FAM171A1: variants seen among roughly 807,000 people sequenced by gnomAD.
FAM171A1 encodes the protein protein FAM171A1.
A neutral mutation model predicts 74.9 loss-of-function variants in FAM171A1; 23 were observed. That is an observed-to-expected ratio of 0.31 (90% CI 0.22 to 0.44). The LOEUF is 0.44. Ranked by LOEUF, FAM171A1 falls within the 20% of genes least tolerant of loss-of-function variation. The probability of loss-of-function intolerance (pLI) is 1.00; values close to 1 mark genes in which losing one functional copy is unlikely to be tolerated. For missense variants in FAM171A1, 1,162 were observed against 1,159.2 expected, an observed-to-expected ratio of 1.00 and a Z score of -0.03; for synonymous variants, 527 against 505.7, an observed-to-expected ratio of 1.04 and a Z score of -0.57.
intron 3 of FAM171A1, among the ~76,000 whole-genome samples, chr10:15,268,427 A>C (rs543549675): frequency 6.6e-6 from 1 of 152,258 alleles, no homozygotes; most frequent in African/African-American, 2.4e-5. Flanking sequence ...CGAGGAGAGA[A>C]GAATCAAGGA....
At chr10:15,299,320 G>A (rs1835199847) in intron 1 of FAM171A1, among the ~76,000 whole-genome samples, 1 of 152,180 alleles carries the variant, frequency 6.6e-6, no homozygotes, top group Non-Finnish European at 1.5e-5. Flanking sequence ...TATTAAGCAT[G>A]TCTATGAAAT....
At chr10:15,363,707 G>A (rs1836024601) in intron 1 of FAM171A1, among the ~76,000 whole-genome samples, 2 of 152,092 alleles carry the variant, frequency 1.3e-5, no homozygotes, top group Admixed American at 1.3e-4. Flanking sequence ...AGCCATCAGT[G>A]ACCCCTTCAG....
chr10:15,331,859 G>GTATACATATATA (rs58855042), intron 1 of FAM171A1, among the ~76,000 whole-genome samples: 38 of 44,918 alleles, frequency 8.5e-4, no homozygotes, highest in East Asian at 6.0e-3. Flanking sequence ...ATATATGTGT[G>GTATACATATATA]TATATATATG....
chr10:15,369,481 G>C (rs920301006), intron 1 of FAM171A1, among the ~76,000 whole-genome samples: 1 of 152,066 alleles, frequency 6.6e-6, no homozygotes, highest in Admixed American at 6.5e-5. Flanking sequence ...AGACATATAG[G>C]TCTTTTTGTA....
chr10:15,346,904 C>T (rs3891994), intron 1 of FAM171A1, among the ~76,000 whole-genome samples: 51,724 of 152,038 alleles, frequency 0.34, 10,235 homozygotes, highest in East Asian at 0.77. Flanking sequence ...TTTAGCAGTG[C>T]CCGAGCCACT....
intron 3 of FAM171A1, among the ~76,000 whole-genome samples, chr10:15,264,554 G>A (rs1588520253): frequency 6.6e-6 from 1 of 152,048 alleles, no homozygotes; most frequent in Admixed American, 6.6e-5. Flanking sequence ...GGAGGGCAAG[G>A]TGGGCAGATA....
At chr10:15,330,551 G>A (rs765218832) in intron 1 of FAM171A1, among the ~76,000 whole-genome samples, 22 of 152,028 alleles carry the variant, frequency 1.4e-4, no homozygotes, top group East Asian at 9.6e-4. Context: ...CTAATAATAA[G>A]TGTTGTGCAA....
intron 3 of FAM171A1, among the ~76,000 whole-genome samples, chr10:15,263,449 T>C (rs1173642230): frequency 1.3e-5 from 2 of 152,142 alleles, no homozygotes; most frequent in Non-Finnish European, 2.9e-5. Flanking sequence ...AATTTACGAG[T>C]GTTCTCTCTT....
chr10:15,356,750 C>A (rs1835937149), intron 1 of FAM171A1, among the ~76,000 whole-genome samples: 1 of 152,132 alleles, frequency 6.6e-6, no homozygotes, highest in Admixed American at 6.5e-5. Flanking sequence ...GCGGGTGGAT[C>A]CCCTGAGATC....
Position 15,275,940 on chromosome 10 carries a change from G to A in FAM171A1, c.333C>T (p.Ser111=). Residue 111 remains serine (S), a synonymous_variant, in exon 3 of 8, where the codon TCC becomes TCT. Coordinates refer to ENST00000378116, the MANE Select transcript of FAM171A1 (RefSeq NM_001010924.2). ...PWKPIRLPVF[S]SLSLGLLPER... is the part of the protein sequence containing the mutation. ...CTGGAAGCAGGCCAAGGCTCAGAGA[G>A]GAAAATACTGCAGGAAAAAGAAATG... The A allele has an allele frequency of 6.2e-7, 1 of 1,607,722 alleles. No homozygotes were observed. Among genetic ancestry groups the A allele is most frequent in the Non-Finnish European group, 8.5e-7 (1 of 1,176,068 alleles).
At chr10:15,365,966 A>T (rs1836056237) in intron 1 of FAM171A1, among the ~76,000 whole-genome samples, 1 of 152,186 alleles carries the variant, frequency 6.6e-6, no homozygotes, top group Admixed American at 6.5e-5. Context: ...TAAAATGGTT[A>T]GTTGCCTCAA....
intron 4 of FAM171A1, among the ~76,000 whole-genome samples, chr10:15,252,658 C>T (rs910070040): frequency 1.3e-5 from 2 of 152,184 alleles, no homozygotes; most frequent in South Asian, 2.1e-4. Flanking sequence ...TGGATGCCTT[C>T]GCTGCTAGGT....
intron 3 of FAM171A1, among the ~76,000 whole-genome samples, chr10:15,255,545 T>C (rs570779311): frequency 6.6e-6 from 1 of 152,266 alleles, no homozygotes; most frequent in East Asian, 1.9e-4. Context: ...TTCACCAAAC[T>C]CAACTCCTTT....
rs376889866 is a variant in FAM171A1 at position 15,255,850 on chromosome 10, G to A, written c.419-971C>T. ...TTTAGTAGAGGCAGGGTTTCACCATGTTGGCCAGGCTGGTCTTGAACTCCT... is the reference window on the plus strand; with the variant it reads ...TTTAGTAGAGGCAGGGTTTCACCATATTGGCCAGGCTGGTCTTGAACTCCT... On this transcript the variant is annotated intron_variant, in intron 3 of 7. Coordinates refer to ENST00000378116, the MANE Select transcript of FAM171A1 (RefSeq NM_001010924.2). 5.3e-5 allele frequency among the ~76,000 whole-genome samples: 8 copies of A among 152,064 alleles called. No individual in the cohort carries two copies. The South Asian group carries it at 8.3e-4, about 16-fold the overall frequency.
At chr10:15,274,115 T>A (rs547145084) in intron 3 of FAM171A1, among the ~76,000 whole-genome samples, 1 of 152,238 alleles carries the variant, frequency 6.6e-6, no homozygotes, top group Non-Finnish European at 1.5e-5. Context: ...GCAGATGACA[T>A]GATTGTATAC....
intron 5 of FAM171A1, among the ~76,000 whole-genome samples, chr10:15,234,942 G>A (rs1026612049): frequency 2.6e-5 from 4 of 152,086 alleles, no homozygotes; most frequent in Non-Finnish European, 4.4e-5. Flanking sequence ...GATTACAGGC[G>A]TGAGCCACCG....
At chr10:15,257,384 G>A (rs980356706) in intron 3 of FAM171A1, among the ~76,000 whole-genome samples, 14 of 152,230 alleles carry the variant, frequency 9.2e-5, no homozygotes, top group Middle Eastern at 6.8e-3. Context: ...GGACTTACGG[G>A]GACTGGCCTG....
intron 3 of FAM171A1, among the ~76,000 whole-genome samples, chr10:15,264,096 A>T (rs761535169): frequency 1.3e-5 from 2 of 151,942 alleles, no homozygotes; most frequent in Non-Finnish European, 2.9e-5. Flanking sequence ...CTCCCACTTC[A>T]GCCTCCAGAG....
At chr10:15,286,492 G>C (rs566118524) in intron 1 of FAM171A1, among the ~76,000 whole-genome samples, 287 of 152,234 alleles carry the variant, frequency 1.9e-3, no homozygotes, top group Non-Finnish European at 3.0e-3. Context: ...ATGTTGGCCA[G>C]GTTGCTCTTG....
Sources: gnomAD v4.1 joint callset for allele counts (sites outside exome capture counted in the v4.1 genomes callset) on GRCh38, gnomAD v4.1.1 for gene constraint, MANE v1.5 for transcripts, NCBI Gene and HGNC (gene_info 2026-07-23, HGNC 2026-07-21) for gene names.